CDH13: variants seen among roughly 807,000 people sequenced by gnomAD.
CDH13 encodes the protein cadherin 13.
CDH13 carries 24 observed loss-of-function variants against 63.8 expected under a neutral mutation model. The ratio of observed to expected loss-of-function variants is 0.38; its 90% CI spans 0.27 to 0.53. The LOEUF is 0.53. Among genes scored for constraint, CDH13 ranks in the 20% least tolerant of loss-of-function variants. The pLI is 0.85. For synonymous variants in CDH13, 503 were observed against 355.3 expected, an observed-to-expected ratio of 1.42 and a Z score of -4.67; for missense variants, 1,049 against 903.1, an observed-to-expected ratio of 1.16 and a Z score of -2.07.
intron 6 of CDH13, among the ~76,000 whole-genome samples, chr16:83,375,501 GA>G (rs1262481963): frequency 6.6e-6 from 1 of 152,200 alleles, no homozygotes; most frequent in Non-Finnish European, 1.5e-5. Context: ...AGGACTCTGG[GA>G]ACTTGAAGAT....
At chr16:83,126,753 C>A (rs931196057) in intron 4 of CDH13, among the ~76,000 whole-genome samples, 73 of 152,166 alleles carry the variant, frequency 4.8e-4, no homozygotes, top group African/African-American at 1.5e-3. Flanking sequence ...AATGAATGAT[C>A]TTAATGGCAG....
At chr16:83,643,797 A>C (rs1393572733) in intron 8 of CDH13, among the ~76,000 whole-genome samples, 1 of 152,210 alleles carries the variant, frequency 6.6e-6, no homozygotes, top group Non-Finnish European at 1.5e-5. Flanking sequence ...TAGTTTACTT[A>C]CGTTAATCAT....
chr16:83,538,102 A>T (rs572709374), intron 7 of CDH13, among the ~76,000 whole-genome samples: 47 of 152,332 alleles, frequency 3.1e-4, no homozygotes, highest in African/African-American at 1.1e-3. Flanking sequence ...CACTTGAAGC[A>T]ATCTTAAATT....
intron 6 of CDH13, among the ~76,000 whole-genome samples, chr16:83,449,274 A>T (rs2072811060): frequency 6.6e-6 from 1 of 152,146 alleles, no homozygotes; most frequent in Non-Finnish European, 1.5e-5. Flanking sequence ...CTGAGATGAG[A>T]GGATGATCAA....
At chr16:83,738,001 A>G (rs1911698674) in intron 10 of CDH13, among the ~76,000 whole-genome samples, 1 of 152,244 alleles carries the variant, frequency 6.6e-6, no homozygotes, top group South Asian at 2.1e-4. Flanking sequence ...GAATACATAC[A>G]TCGTACGCCA....
chr16:83,143,636 C>G (rs1327038941), intron 4 of CDH13, among the ~76,000 whole-genome samples: 4 of 152,124 alleles, frequency 2.6e-5, no homozygotes, highest in Admixed American at 6.6e-5. Context: ...ATCATTAGGA[C>G]CATCAAAACA....
At chr16:83,011,228 C>T (rs1483708378) in intron 2 of CDH13, among the ~76,000 whole-genome samples, 1 of 152,148 alleles carries the variant, frequency 6.6e-6, no homozygotes. Flanking sequence ...ACTGTAGGCT[C>T]AGTTTCTCCC....
chr16:83,310,109 T>G (rs1291244865), intron 5 of CDH13, among the ~76,000 whole-genome samples: 1 of 152,210 alleles, frequency 6.6e-6, no homozygotes, highest in East Asian at 1.9e-4. Flanking sequence ...CCACATTTAC[T>G]GTGCATTGGA....
chr16:82,945,986 C>T (rs757756223), intron 2 of CDH13, among the ~76,000 whole-genome samples: 1 of 152,038 alleles, frequency 6.6e-6, no homozygotes, highest in Non-Finnish European at 1.5e-5. Flanking sequence ...TCACCTTTGT[C>T]CTTCCGTATG....
intron 1 of CDH13, among the ~76,000 whole-genome samples, chr16:82,822,180 C>T (rs1442840451): frequency 6.6e-6 from 1 of 152,070 alleles, no homozygotes; most frequent in Non-Finnish European, 1.5e-5. Flanking sequence ...TGTAATACAG[C>T]AATATATGCA....
At chr16:83,183,417 G>A (rs1472054812) in intron 4 of CDH13, among the ~76,000 whole-genome samples, 1 of 152,172 alleles carries the variant, frequency 6.6e-6, no homozygotes, top group Non-Finnish European at 1.5e-5. Flanking sequence ...GTTTCCTAGG[G>A]AACTAGTGAG....
intron 11 of CDH13, among the ~76,000 whole-genome samples, chr16:83,779,175 G>C (rs1364946550): frequency 6.6e-6 from 1 of 151,918 alleles, no homozygotes; most frequent in Non-Finnish European, 1.5e-5. Flanking sequence ...GGGAGGCCTA[G>C]GCAGGCGGAT....
At chr16:82,838,157 C>T (rs1438408901) in intron 1 of CDH13, among the ~76,000 whole-genome samples, 1 of 152,220 alleles carries the variant, frequency 6.6e-6, no homozygotes, top group Non-Finnish European at 1.5e-5. Flanking sequence ...TGACCAAGTC[C>T]TCACCCTTTT....
At chr16:83,587,579 G>A (rs1271667458) in intron 7 of CDH13, among the ~76,000 whole-genome samples, 1 of 152,146 alleles carries the variant, frequency 6.6e-6, no homozygotes, top group Non-Finnish European at 1.5e-5. Context: ...TACAGAGAGT[G>A]CCGCCCTTCT....
intron 1 of CDH13, among the ~76,000 whole-genome samples, chr16:82,780,530 G>T (rs1033539575): frequency 1.3e-5 from 2 of 151,754 alleles, no homozygotes; most frequent in African/African-American, 4.8e-5. Flanking sequence ...TCCAGGTGAT[G>T]CTGACATTTT....
intron 5 of CDH13, among the ~76,000 whole-genome samples, chr16:83,239,953 CAG>C (rs1234365570): frequency 6.6e-6 from 1 of 152,068 alleles, no homozygotes; most frequent in African/African-American, 2.4e-5. Context: ...GACATTTAAA[CAG>C]AGATCTGATG....
At chr16:83,134,812 C>G (rs970722814) in intron 4 of CDH13, among the ~76,000 whole-genome samples, 2 of 152,140 alleles carry the variant, frequency 1.3e-5, no homozygotes, top group African/African-American at 4.8e-5. Flanking sequence ...GTGGTTTTGG[C>G]TTTTTGCCAA....
chr16:83,369,190 C>G (rs76744497), intron 6 of CDH13, among the ~76,000 whole-genome samples: 13,826 of 151,290 alleles, frequency 0.091, 883 homozygotes, highest in Non-Finnish European at 0.14. Flanking sequence ...CAAGAATGGT[C>G]ATGATCAAAA....
At chr16:83,203,192 C>T (rs892019018) in intron 4 of CDH13, among the ~76,000 whole-genome samples, 3 of 152,006 alleles carry the variant, frequency 2.0e-5, no homozygotes, top group Non-Finnish European at 4.4e-5. Context: ...CCATTGCACT[C>T]CAGCCTGGGC....
Sources: allele counts gnomAD v4.1 joint callset (sites outside exome capture counted in the v4.1 genomes callset), GRCh38; gene constraint gnomAD v4.1.1; transcripts MANE v1.5; gene names NCBI Gene and HGNC (gene_info 2026-07-23, HGNC 2026-07-21).